FBN3: variants seen among roughly 807,000 people sequenced by gnomAD.
The protein encoded by FBN3 is fibrillin 3.
A neutral mutation model predicts 330.1 loss-of-function variants in FBN3; 234 were observed. That is an observed-to-expected ratio of 0.71 (90% CI 0.64 to 0.79). FBN3 has a LOEUF of 0.79. Among genes scored for constraint, FBN3 ranks in the 30% least tolerant of loss-of-function variants. The probability of loss-of-function intolerance (pLI) is 0.00; values close to 1 mark genes in which losing one functional copy is unlikely to be tolerated. For synonymous variants in FBN3, 1,458 were observed against 1,517.3 expected, an observed-to-expected ratio of 0.96 and a Z score of 0.91; for missense variants, 3,606 against 3,886.9, an observed-to-expected ratio of 0.93 and a Z score of 1.92.
At chr19:8,107,190 G>A (rs2144796977) in intron 37 of FBN3, among the ~76,000 whole-genome samples, 1 of 149,712 alleles carries the variant, frequency 6.7e-6, no homozygotes, top group African/African-American at 2.5e-5. Flanking sequence ...ATGGAAGGAA[G>A]GATAGATGAA....
intron 51 of FBN3, 115 bp downstream of exon 51, chr19:8,089,430 A>T: frequency 8.9e-7 from 1 of 1,122,240 alleles, no homozygotes; most frequent in Non-Finnish European, 1.3e-6. Context: ...GGAGAGAGGC[A>T]GTGGTTAAGG....
At chr19:8,147,767 C>G in intron 1 of FBN3, 1 of 334,332 alleles carries the variant, frequency 3.0e-6, no homozygotes, top group Non-Finnish European at 5.4e-6. Flanking sequence ...GAGAGAGGGC[C>G]AGGTGGGGCC....
At chr19:8,086,708 T>C (rs2081971058) in intron 54 of FBN3, among the ~76,000 whole-genome samples, 1 of 150,906 alleles carries the variant, frequency 6.6e-6, no homozygotes, top group South Asian at 2.1e-4. Context: ...CCTCAGATGA[T>C]CCAACCGCCT....
chr19:8,128,142 T>C (rs1484710576), intron 18 of FBN3, among the ~76,000 whole-genome samples: 2 of 152,222 alleles, frequency 1.3e-5, no homozygotes, highest in Non-Finnish European at 2.9e-5. Flanking sequence ...CACACAGATA[T>C]GTCCATCCAC....
intron 31 of FBN3, 94 bp downstream of exon 31, chr19:8,111,883 C>T (rs528834226): frequency 2.1e-6 from 3 of 1,398,818 alleles, no homozygotes; most frequent in Non-Finnish European, 2.9e-6. Flanking sequence ...GCAGACACTC[C>T]CGGATCCCAC....
chr19:8,066,119 C>A lies in FBN3; in HGVS notation c.8230G>T (p.Gly2744Ter). The change falls in exon 64 of 64, where the codon GGA becomes TGA. Residue 2744 changes from glycine to a stop codon, truncating the protein, a stop_gained. Transcript: ENST00000600128. LOFTEE classifies it low-confidence loss of function (END_TRUNC). Reference protein sequence around the residue: ...EGRIRYVIVRGNEQGFFRMHH... With the variant: ...EGRIRYVIVR ...ATGCGAAAGAAACCTTGCTCGTTTC[C>A]GCGGACGATGACGTAGCGGATCCGG... 1 of 1,613,538 alleles carries A rather than the reference C, an allele frequency of 6.2e-7. No homozygotes were observed. Among genetic ancestry groups the A allele is most frequent in the South Asian group, 1.1e-5 (1 of 91,084 alleles).
intron 16 of FBN3, among the ~76,000 whole-genome samples, chr19:8,130,548 A>AAG (rs148416096): frequency 5.8e-5 from 4 of 68,702 alleles, no homozygotes; most frequent in Admixed American, 5.2e-4. Context: ...AAGAGAAAGA[A>AAG]AGAGAGAGAG....
At chr19:8,081,774 A>C (rs1364127563) in intron 57 of FBN3, among the ~76,000 whole-genome samples, 3 of 152,202 alleles carry the variant, frequency 2.0e-5, no homozygotes, top group African/African-American at 7.2e-5. Context: ...GAACAAATGG[A>C]GGGCCAGACT....
intron 47 of FBN3, among the ~76,000 whole-genome samples, chr19:8,093,304 A>C (rs1002601367): frequency 6.6e-6 from 1 of 151,942 alleles, no homozygotes; most frequent in Non-Finnish European, 1.5e-5. Flanking sequence ...CCTGGCCATC[A>C]TGGTGAAACC....
At chr19:8,145,699 AAG>A in intron 5 of FBN3, 142 bp downstream of exon 5, 4 of 547,000 alleles carry the variant, frequency 7.3e-6, no homozygotes, top group East Asian at 3.2e-5. Context: ...AAAAAAAAAA[AAG>A]AGACTGTGGC....
At chr19:8,148,889 G>C (rs1485622629) in intron 1 of FBN3, 1 of 152,376 alleles carries the variant, frequency 6.6e-6, no homozygotes, top group Non-Finnish European at 1.5e-5. Context: ...AAGCAGCCTC[G>C]GGGCTTGCAA....
At chr19:8,138,008 G>A (rs1294351512) in intron 10 of FBN3, 133 bp downstream of exon 10, 7 of 1,019,254 alleles carry the variant, frequency 6.9e-6, no homozygotes, top group Non-Finnish European at 9.8e-6. Flanking sequence ...TACTAGCCAG[G>A]CCAGGAGTTC....
intron 38 of FBN3, 64 bp downstream of exon 38, chr19:8,106,044 C>A (rs2082429808): frequency 6.3e-7 from 1 of 1,591,190 alleles, no homozygotes; most frequent in Non-Finnish European, 8.6e-7. Flanking sequence ...TGAGGCTTGG[C>A]AGGGCAGGAA....
At chr19:8,117,326 G>GGGGGAGGGGTCCAGGAT in intron 27 of FBN3, 35 bp from the exon 28 acceptor site, 1 of 1,563,124 alleles carries the variant, frequency 6.4e-7, no homozygotes, top group Non-Finnish European at 8.7e-7. Flanking sequence ...GCTGGGGCTG[G>GGGGGAGGGGTCCAGGAT]GGGGAGGGGT....
At chr19:8,112,135 C>A in intron 30 of FBN3, 36 bp from the exon 31 acceptor site, 3 of 1,603,046 alleles carry the variant, frequency 1.9e-6, no homozygotes, top group South Asian at 2.2e-5. Flanking sequence ...AAGACCCAGT[C>A]ACAGAAGGAA....
chr19:8,086,177 T>A, intron 55 of FBN3, 23 bp downstream of exon 55: 7 of 1,496,274 alleles, frequency 4.7e-6, no homozygotes, highest in Non-Finnish European at 6.4e-6. Flanking sequence ...TTGCAACCAC[T>A]GTGCGTGTCC....
intron 31 of FBN3, 70 bp downstream of exon 31, chr19:8,111,907 T>G: frequency 1.7e-6 from 1 of 598,216 alleles, no homozygotes; most frequent in Non-Finnish European, 2.2e-6. Flanking sequence ...CCCACTGCCT[T>G]GCCCCCCACC....
At chr19:8,126,977 A>C in intron 18 of FBN3, 145 bp from the exon 19 acceptor site, 8 of 810,184 alleles carry the variant, frequency 9.9e-6, no homozygotes, top group Middle Eastern at 3.8e-4. Context: ...CTGGAATCAA[A>C]TGTGCATGCA....
chr19:8,073,008 C>CGTAA, intron 62 of FBN3, 55 bp downstream of exon 62: 3 of 880,626 alleles, frequency 3.4e-6, no homozygotes, highest in Non-Finnish European at 5.3e-6. Context: ...TGTGTGCGTG[C>CGTAA]GTGCATGGAC....
Sources: gnomAD v4.1 joint callset for allele counts (sites outside exome capture counted in the v4.1 genomes callset) on GRCh38, gnomAD v4.1.1 for gene constraint, MANE v1.5 for transcripts, NCBI Gene and HGNC (gene_info 2026-07-23, HGNC 2026-07-21) for gene names.